The following ENDOV variants were observed in gnomAD, a reference collection of about 807,000 sequenced individuals.
ENDOV encodes endonuclease V.
ENDOV carries 37 observed loss-of-function variants against 39.4 expected under a neutral mutation model. The ratio of observed to expected loss-of-function variants is 0.94; its 90% CI spans 0.72 to 1.23. The LOEUF is 1.23. Among genes scored for constraint, ENDOV ranks in the 50% most tolerant of loss-of-function variants. The pLI is 0.00. For synonymous variants in ENDOV, 186 were observed against 163.4 expected (o/e 1.14, Z -1.05); for missense variants, 441 against 375.7 (o/e 1.17, Z -1.44).
chr17:80,425,006 TC>T, intron 5 of ENDOV, 25 bp from the exon 6 acceptor site: 1 of 1,602,618 alleles, frequency 6.2e-7, no homozygotes, highest in Non-Finnish European at 8.5e-7. Context: ...GGGGTTTTTT[TC>T]CCCATTTTTC....
Position 80,415,224 on chromosome 17 carries a change from G to C in ENDOV, c.30G>C (p.Pro10=), listed in dbSNP as rs777557220. The C allele has an allele frequency of 1.2e-6, 2 of 1,613,400 alleles. No individual in the cohort carries two copies. Among genetic ancestry groups the C allele is most frequent in the South Asian group, 2.2e-5 (2 of 91,054 alleles). ...CCCTGGAGGCGGCGGGAGGGCCGCC[G>C]GAGGAAACGCTGTCACTGTGGAAAC... MALEAAGGP[P]EETLSLWKRE... is the part of the protein sequence containing the mutation. Residue 10 remains proline, a synonymous_variant, in exon 1 of 10, where the codon CCG becomes CCC. Coordinates refer to ENST00000518137, the MANE Select transcript of ENDOV (RefSeq NM_173627.5).
chr17:80,428,755 T>C, intron 8 of ENDOV, 95 bp downstream of exon 8: 1 of 1,257,344 alleles, frequency 8.0e-7, no homozygotes, highest in Non-Finnish European at 1.1e-6. Flanking sequence ...GTTGCAATAT[T>C]GTGGCTCAGG....
chr17:80,424,967 C>G, intron 5 of ENDOV, 65 bp from the exon 6 acceptor site: 2 of 1,394,844 alleles, frequency 1.4e-6, no homozygotes, highest in Non-Finnish European at 2.0e-6. Context: ...AAAATAGAGA[C>G]TTGCCTTCAG....
intron 7 of ENDOV, among the ~76,000 whole-genome samples, 192 bp downstream of exon 7, chr17:80,425,812 G>A (rs896942208): frequency 6.6e-6 from 1 of 152,104 alleles, no homozygotes; most frequent in Admixed American, 6.5e-5. Flanking sequence ...CAGTAGACTG[G>A]GGGGTGCAGG....
At chr17:80,418,801 A>C (rs2081542798) in intron 2 of ENDOV, 1 of 152,204 alleles carries the variant, frequency 6.6e-6, no homozygotes, top group African/African-American at 2.4e-5. Flanking sequence ...AACTCTGTAA[A>C]TACCAAAACC....
chr17:80,422,595 G>A (rs960211937), intron 4 of ENDOV, among the ~76,000 whole-genome samples: 2 of 152,226 alleles, frequency 1.3e-5, no homozygotes, highest in African/African-American at 4.8e-5. Context: ...CCTGCCAGCC[G>A]CCCAACCTGC....
chr17:80,430,115 G>C, intron 9 of ENDOV: 1 of 1,533,722 alleles, frequency 6.5e-7, no homozygotes, highest in Non-Finnish European at 8.7e-7. Flanking sequence ...CCAGCACCAG[G>C]TGGGGCAGAG....
At chr17:80,419,737 T>A in intron 2 of ENDOV, 1 of 695,594 alleles carries the variant, frequency 1.4e-6, no homozygotes, top group Non-Finnish European at 2.6e-6. Flanking sequence ...GGCCCTCTGG[T>A]CATGCCCTCC....
chr17:80,425,668 C>T (rs1355144612), intron 7 of ENDOV, 48 bp downstream of exon 7: 2 of 1,537,722 alleles, frequency 1.3e-6, no homozygotes, highest in East Asian at 2.4e-5. Context: ...CCTCTGCTTC[C>T]TGCCACCTGC....
chr17:80,426,589 T>C (rs776286249), intron 7 of ENDOV, among the ~76,000 whole-genome samples: 1 of 152,206 alleles, frequency 6.6e-6, no homozygotes, highest in Non-Finnish European at 1.5e-5. Flanking sequence ...AGGTCGAGGC[T>C]GTAGTGTGCC....
intron 9 of ENDOV, chr17:80,430,064 C>T: frequency 1.3e-6 from 2 of 1,535,786 alleles, no homozygotes; most frequent in Non-Finnish European, 1.7e-6. Context: ...TCCCCAAAGA[C>T]AGGCTGACCG....
At chr17:80,425,389 C>G (rs953941679) in intron 6 of ENDOV, 103 bp from the exon 7 acceptor site, 570 of 1,479,572 alleles carry the variant, frequency 3.9e-4, no homozygotes, top group Middle Eastern at 1.6e-3. Context: ...CAGCTTCCCC[C>G]TTGCCCCCAG....
intron 9 of ENDOV, among the ~76,000 whole-genome samples, chr17:80,432,639 C>T (rs113816654): frequency 3.5e-4 from 54 of 152,150 alleles, no homozygotes; most frequent in Non-Finnish European, 3.7e-4. Flanking sequence ...CCCCCAGGCC[C>T]ACTGAGGCAT....
intron 2 of ENDOV, among the ~76,000 whole-genome samples, chr17:80,421,552 A>T (rs1443200449): frequency 8.2e-6 from 1 of 121,224 alleles, no homozygotes; most frequent in Non-Finnish European, 1.7e-5. Flanking sequence ...GTTGCTACAG[A>T]CCAGGTCCCG....
intron 1 of ENDOV, 135 bp from the exon 2 acceptor site, chr17:80,415,514 CG>C (rs1193555149): frequency 8.3e-7 from 1 of 1,205,320 alleles, no homozygotes; most frequent in African/African-American, 1.5e-5. Flanking sequence ...ACTGTGGCCT[CG>C]GCGGTATGTC....
Position 80,437,802 on chromosome 17 carries a change from A to T in ENDOV, c.*1659A>T, listed in dbSNP as rs2083640630. Reference sequence around the variant, plus strand: ...CCCTGGTCCTTGGCTTTTCGTGCACATGAGAAAATGTTGGCCAAGGTTAGC... The same window carrying T: ...CCCTGGTCCTTGGCTTTTCGTGCACTTGAGAAAATGTTGGCCAAGGTTAGC... On this transcript the variant is annotated 3_prime_UTR_variant, in exon 10 of 10. Coordinates refer to ENST00000518137, the MANE Select transcript of ENDOV (RefSeq NM_173627.5). The T allele has an allele frequency of 6.6e-6, 1 of 152,190 alleles. No homozygotes were observed. Among genetic ancestry groups the T allele is most frequent in the Non-Finnish European group, 1.5e-5 (1 of 68,022 alleles). The allele number at this position is 152,190 out of a possible 1,614,324, so 9.4% of individuals were successfully genotyped here. A position where few individuals can be genotyped will look rare whatever the true frequency, so the allele number is the denominator to read the frequency against.
At chr17:80,422,079 G>A in intron 3 of ENDOV, 117 bp downstream of exon 3, 1 of 1,557,646 alleles carries the variant, frequency 6.4e-7, no homozygotes, top group Non-Finnish European at 8.7e-7. Context: ...CTTCCTGGAA[G>A]AGAGGAATGA....
chr17:80,433,026 CCAAA>C (rs2083422796), intron 9 of ENDOV: 1 of 473,156 alleles, frequency 2.1e-6, no homozygotes, highest in Non-Finnish European at 4.2e-6. Context: ...ACCCCCTGCC[CCAAA>C]CAAATGCCTC....
At chr17:80,419,323 C>T (rs964919796) in intron 2 of ENDOV, 43 of 440,974 alleles carry the variant, frequency 9.8e-5, no homozygotes, top group Non-Finnish European at 8.2e-6. Flanking sequence ...GCCTGCTTTT[C>T]CCACCGTGAA....
Sources: allele counts gnomAD v4.1 joint callset (sites outside exome capture counted in the v4.1 genomes callset), GRCh38; gene constraint gnomAD v4.1.1; transcripts MANE v1.5; gene names NCBI Gene and HGNC (gene_info 2026-07-23, HGNC 2026-07-21).